NEK1: variants seen among roughly 807,000 people sequenced by gnomAD.
The protein encoded by NEK1 is NIMA related kinase 1, also known as serine/threonine-protein kinase Nek1.
NEK1 carries 137 observed loss-of-function variants against 182.1 expected under a neutral mutation model. The observed-to-expected ratio is 0.75, with a 90% CI of 0.65 to 0.87. The LOEUF is 0.87. Ranked by LOEUF, NEK1 falls within the 40% of genes least tolerant of loss-of-function variation. NEK1 has a pLI of 0.00. For synonymous variants in NEK1, 513 were observed against 492.2 expected (o/e 1.04, Z -0.56); for missense variants, 1,391 against 1,494.4 (o/e 0.93, Z 1.14).
intron 18 of NEK1, among the ~76,000 whole-genome samples, chr4:169,548,983 T>G (rs918016176): frequency 2.0e-4 from 30 of 152,272 alleles, no homozygotes; most frequent in African/African-American, 7.0e-4. Flanking sequence ...TGAACAGTTA[T>G]GTCTCACTGG....
intron 16 of NEK1, among the ~76,000 whole-genome samples, 195 bp from the exon 17 acceptor site, chr4:169,556,290 C>A (rs560899238): frequency 5.8e-4 from 88 of 152,196 alleles, no homozygotes; most frequent in Middle Eastern, 3.4e-3. Context: ...AAGCAGTATA[C>A]TTTGTAATTG....
chr4:169,590,033 C>T (rs1397462049), intron 6 of NEK1, among the ~76,000 whole-genome samples: 1 of 152,052 alleles, frequency 6.6e-6, no homozygotes, highest in South Asian at 2.1e-4. Flanking sequence ...AGGGGCCAGG[C>T]GCAGTGGCTC....
chr4:169,470,738 G>A (rs1045638592), intron 26 of NEK1, among the ~76,000 whole-genome samples: 11 of 152,154 alleles, frequency 7.2e-5, no homozygotes, highest in African/African-American at 1.9e-4. Flanking sequence ...CATTCTCCCC[G>A]TCACTTTCAG....
chr4:169,479,615 T>A, intron 23 of NEK1, 81 bp from the exon 24 acceptor site: 1 of 1,137,272 alleles, frequency 8.8e-7, no homozygotes, highest in Non-Finnish European at 1.3e-6. Flanking sequence ...CAGATCACTA[T>A]TTATCCACTC....
Position 169,443,101 on chromosome 4 carries a change from A to ATCTC in NEK1, c.2588-4846_2588-4843dup, listed in dbSNP as rs1554033565. ...TATCTATCTATCTATCTATCTATCT[A>ATCTC]TCTCATAATTTGAGACCAGCCTGGG... is the stretch of plus-strand genomic sequence containing the variant. On this transcript the variant is annotated intron_variant, in intron 27 of 35. Coordinates refer to ENST00000507142, the MANE Select transcript of NEK1 (RefSeq NM_001199397.3). Among the ~76,000 whole-genome samples the ATCTC allele has an allele frequency of 3.4e-4, 51 of 148,298 alleles. 1 individual carries two copies. The highest frequency in any genetic ancestry group is 1.0e-3 in the African/African-American group (42 of 40,240).
In NEK1 at chr4:169,602,497, A is replaced by C; in HGVS notation, c.117+17T>G. On this transcript the variant is annotated intron_variant, in intron 3 of 35. Transcript: ENST00000507142. ...ACTAAACCATTACTCATGAAACCAA[A>C]CTAAAAATATACTTACTCTTGAGAT... is the stretch of plus-strand genomic sequence containing the variant. 1 of 1,364,328 alleles carries C rather than the reference A, an allele frequency of 7.3e-7. No homozygotes were observed. Among genetic ancestry groups the C allele is most frequent in the Non-Finnish European group, 1.0e-6 (1 of 956,518 alleles). The allele number at this position is 1,364,328 out of a possible 1,614,324, so 84.5% of individuals were successfully genotyped here.
At chr4:169,503,120 A>G (rs1281530216) in intron 23 of NEK1, among the ~76,000 whole-genome samples, 1 of 152,124 alleles carries the variant, frequency 6.6e-6, no homozygotes, top group East Asian at 1.9e-4. Flanking sequence ...ATGCAATCTC[A>G]TTTACAGTAG....
At chr4:169,452,440 C>A (rs1452569087) in intron 27 of NEK1, among the ~76,000 whole-genome samples, 1 of 152,208 alleles carries the variant, frequency 6.6e-6, no homozygotes, top group Non-Finnish European at 1.5e-5. Context: ...CTGAATCCAG[C>A]AGCATATCAA....
intron 2 of NEK1, among the ~76,000 whole-genome samples, chr4:169,605,901 G>A (rs1771258337): frequency 6.6e-6 from 1 of 152,096 alleles, no homozygotes; most frequent in Non-Finnish European, 1.5e-5. Flanking sequence ...AAAGAGTTAT[G>A]TCACCTAATA....
At chr4:169,419,270 A>G (rs1245704502) in intron 31 of NEK1, among the ~76,000 whole-genome samples, 3 of 152,138 alleles carry the variant, frequency 2.0e-5, no homozygotes, top group African/African-American at 7.2e-5. Context: ...ATATAATTCT[A>G]TATCTAGTGA....
At chr4:169,416,044 G>C (rs1734491296) in intron 31 of NEK1, among the ~76,000 whole-genome samples, 1 of 152,072 alleles carries the variant, frequency 6.6e-6, no homozygotes, top group African/African-American at 2.4e-5. Context: ...AAAAAAGAGA[G>C]ACTTTTTCTA....
At chr4:169,411,967 C>A (rs1206928058) in intron 31 of NEK1, among the ~76,000 whole-genome samples, 1 of 152,136 alleles carries the variant, frequency 6.6e-6, no homozygotes, top group Non-Finnish European at 1.5e-5. Context: ...GGCTCATGTA[C>A]ACAAACTTTC....
At chr4:169,573,103 T>C (rs1427410161) in intron 12 of NEK1, among the ~76,000 whole-genome samples, 1 of 152,218 alleles carries the variant, frequency 6.6e-6, no homozygotes, top group Non-Finnish European at 1.5e-5. Flanking sequence ...GAGCGCAAAG[T>C]CCTTTAGCAG....
chr4:169,537,688 CT>C (rs1474871754), intron 19 of NEK1, 120 bp downstream of exon 19: 10 of 759,930 alleles, frequency 1.3e-5, no homozygotes, highest in Non-Finnish European at 2.3e-5. Flanking sequence ...AGTATCTTTA[CT>C]GCCTCTTATT....
At chr4:169,500,835 T>C (rs952189730) in intron 23 of NEK1, among the ~76,000 whole-genome samples, 9 of 152,180 alleles carry the variant, frequency 5.9e-5, no homozygotes, top group African/African-American at 2.2e-4. Flanking sequence ...CAACTGCCAC[T>C]ATAAAGCAAC....
At chr4:169,559,083 T>C (rs1762541783) in intron 16 of NEK1, among the ~76,000 whole-genome samples, 1 of 152,154 alleles carries the variant, frequency 6.6e-6, no homozygotes, top group African/African-American at 2.4e-5. Flanking sequence ...AATGAAAGCA[T>C]TACAGAAGTT....
At chr4:169,500,723 T>C (rs1003908378) in intron 23 of NEK1, among the ~76,000 whole-genome samples, 3 of 152,060 alleles carry the variant, frequency 2.0e-5, no homozygotes. Context: ...CTAAGAGAAT[T>C]TGTCACCAGC....
At chr4:169,611,136 G>C (rs1009772341) in intron 2 of NEK1, among the ~76,000 whole-genome samples, 3 of 152,152 alleles carry the variant, frequency 2.0e-5, no homozygotes, top group Admixed American at 6.5e-5. Context: ...ACTTAGACTA[G>C]AAGGCAGGAG....
At chr4:169,479,298 G>GA in intron 24 of NEK1, 105 bp downstream of exon 24, 1 of 1,214,844 alleles carries the variant, frequency 8.2e-7, no homozygotes, top group Non-Finnish European at 1.1e-6. Context: ...TTTTTCCTTA[G>GA]AAAAACCTGA....
Sources: gnomAD v4.1 joint callset for allele counts (sites outside exome capture counted in the v4.1 genomes callset) on GRCh38, gnomAD v4.1.1 for gene constraint, MANE v1.5 for transcripts, NCBI Gene and HGNC (gene_info 2026-07-23, HGNC 2026-07-21) for gene names.